ZNF462: variants seen among roughly 807,000 people sequenced by gnomAD.
ZNF462 encodes the protein zinc finger protein 462.
Under a neutral mutation model 201.9 loss-of-function variants are expected in ZNF462, and 10 were observed. That is an observed-to-expected ratio of 0.05 (90% CI 0.03 to 0.08). The LOEUF (loss-of-function observed/expected upper bound fraction) is 0.08, where lower values mean the gene tolerates loss of function less well. Among genes scored for constraint, ZNF462 ranks in the 10% least tolerant of loss-of-function variants. The probability of loss-of-function intolerance (pLI) is 1.00; values close to 1 mark genes in which losing one functional copy is unlikely to be tolerated. For synonymous variants in ZNF462, 1,227 were observed against 1,193.3 expected, an observed-to-expected ratio of 1.03 and a Z score of -0.58; for missense variants, 2,523 against 3,168.3, an observed-to-expected ratio of 0.80 and a Z score of 4.89.
Position 107,009,018 on chromosome 9 carries a change from A to G in ZNF462, c.7190-527A>G, listed in dbSNP as rs1019229078. ...CTGTAAGGTATTGATTATAATGTCT[A>G]TGATGGATGACCACAAGTCATGAGC... On this transcript the variant is annotated intron_variant, in intron 11 of 12. Transcript: ENST00000277225. The surrounding 1 kb of genome is among the most constrained non-coding windows in gnomAD (Gnocchi z 6.1). Among the ~76,000 whole-genome samples the G allele has an allele frequency of 6.6e-6, 1 of 152,186 alleles. No individual in the cohort carries two copies. The highest frequency in any genetic ancestry group is 6.5e-5 in the Admixed American group (1 of 15,274).
chr9:106,899,059 C>T (rs73668708), intron 1 of ZNF462, among the ~76,000 whole-genome samples: 17,424 of 151,904 alleles, frequency 0.11, 2,379 homozygotes, highest in African/African-American at 0.33. Context: ...GATGAGGAAA[C>T]AGAGGTTTGG....
intron 7 of ZNF462, among the ~76,000 whole-genome samples, chr9:106,953,855 C>A (rs1421265264): frequency 5.9e-5 from 9 of 152,140 alleles, no homozygotes; most frequent in Non-Finnish European, 1.0e-4. Context: ...TTTGCCAGAG[C>A]CCTTGGGACC....
chr9:106,972,882 T>G lies in ZNF462; in HGVS notation c.6695+610T>G, dbSNP rs1310962217. Among the ~76,000 whole-genome samples the G allele has an allele frequency of 6.6e-6, 1 of 152,180 alleles. No homozygotes were observed. Among genetic ancestry groups the G allele is most frequent in the African/African-American group, 2.4e-5 (1 of 41,458 alleles). On this transcript the variant is annotated intron_variant, in intron 8 of 12. Transcript: ENST00000277225. This position sits in a 1 kb window ranked among gnomAD's most constrained non-coding sequence, Gnocchi z 4.8. ...ATTATTAAGAATGGAATGCTTCCTA[T>G]GATGTAATCTAAGCTTCTGCATTTG...
At chr9:106,947,788 C>A (rs927608491) in intron 7 of ZNF462, among the ~76,000 whole-genome samples, 7 of 152,116 alleles carry the variant, frequency 4.6e-5, no homozygotes, top group African/African-American at 1.4e-4. Flanking sequence ...CTTTGTGCCT[C>A]AGTGGGGTCT....
At chr9:106,994,558 C>T (rs1376303786) in intron 10 of ZNF462, among the ~76,000 whole-genome samples, 1 of 151,980 alleles carries the variant, frequency 6.6e-6, no homozygotes, top group Non-Finnish European at 1.5e-5. Context: ...GCTTTATCAA[C>T]AGCAATGATT....
rs1271338679 is a variant in ZNF462, at chr9:106,880,111, AGT to A, written c.-31+16757_-31+16758del. Among the ~76,000 whole-genome samples the A allele has an allele frequency of 2.0e-5, 3 of 152,138 alleles. No homozygotes were observed. The East Asian group carries it at 5.8e-4, about 29-fold the overall frequency. On this transcript the variant is annotated intron_variant, in intron 1 of 12. Transcript: ENST00000277225. The surrounding 1 kb of genome is among the most constrained non-coding windows in gnomAD (Gnocchi z 4.1). ...GCTTTCCTAGGAATGGGACAAACAG[AGT>A]TGCTCGTAACCACCAAGAGCCCTCT...
In ZNF462 at chr9:106,932,940, T is replaced by C. The variant is rs1280184162; in HGVS notation, c.6116+391T>C. ...TGCTAAAGAGGTAAAATTAGGACTATTAACCCATGTGACCAAAGAAACATT... is the reference window on the plus strand; with the variant it reads ...TGCTAAAGAGGTAAAATTAGGACTACTAACCCATGTGACCAAAGAAACATT... On this transcript the variant is annotated intron_variant, in intron 5 of 12. Coordinates refer to ENST00000277225, the MANE Select transcript of ZNF462 (RefSeq NM_021224.6). The surrounding 1 kb of genome is among the most constrained non-coding windows in gnomAD (Gnocchi z 6.8). 3.5e-6 allele frequency: 1 copy of C among 284,980 alleles called. No homozygotes were observed. The highest frequency in any genetic ancestry group is 2.3e-5 in the African/African-American group (1 of 44,048). 17.7% of individuals were successfully genotyped at this position (284,980 alleles called of 1,614,324 possible). A position where few individuals can be genotyped will look rare whatever the true frequency, so the allele number is the denominator to read the frequency against.
chr9:106,957,708 T>C (rs1179916659), intron 7 of ZNF462, among the ~76,000 whole-genome samples: 2 of 152,090 alleles, frequency 1.3e-5, no homozygotes, highest in South Asian at 4.1e-4. Flanking sequence ...CTAAGAAATA[T>C]GTATTAAGCG....
In ZNF462 at chr9:106,920,849, T is replaced by A. The variant is rs1160513729; in HGVS notation, c.-30-2505T>A. ...TGCAGAACCGTAACTTCTGTTGATG[T>A]TGTGCAAATCAGGCTCAAACTTTCC... On this transcript the variant is annotated intron_variant, in intron 1 of 12. Coordinates refer to ENST00000277225, the MANE Select transcript of ZNF462 (RefSeq NM_021224.6). The surrounding 1 kb of genome is among the most constrained non-coding windows in gnomAD (Gnocchi z 4.3). 1.3e-5 allele frequency among the ~76,000 whole-genome samples: 2 copies of A among 152,198 alleles called. No individual in the cohort carries two copies. The highest frequency in any genetic ancestry group is 2.9e-5 in the Non-Finnish European group (2 of 68,024).
At chr9:106,862,881 T>G (rs895359648), upstream of ZNF462, among the ~76,000 whole-genome samples, 1 of 152,080 alleles carries the variant, frequency 6.6e-6, no homozygotes, top group African/African-American at 2.4e-5. This position sits in a 1 kb window ranked among gnomAD's most constrained non-coding sequence, Gnocchi z 4.2. Flanking sequence ...ACGTTGTTGT[T>G]GTTATTAGAA....
At chr9:106,976,083 T>C (rs1826981461) in intron 9 of ZNF462, 1 of 152,230 alleles carries the variant, frequency 6.6e-6, no homozygotes. Context: ...TTTTAAGATA[T>C]CTTAAAGACG....
At chr9:106,971,080 G>A (rs1564141353) in intron 7 of ZNF462, among the ~76,000 whole-genome samples, 1 of 152,112 alleles carries the variant, frequency 6.6e-6, no homozygotes, top group Non-Finnish European at 1.5e-5. Context: ...ATCCATTCCA[G>A]GAGAACGCTA....
chr9:106,970,953 C>A lies in ZNF462; in HGVS notation c.6428-1052C>A, dbSNP rs1024241399. ...GGTTAAGATTTGTGCCTGTCATTTC[C>A]GACATTTTCCTCAGAATCGCAAACT... is the stretch of plus-strand genomic sequence containing the variant. On this transcript the variant is annotated intron_variant, in intron 7 of 12. Coordinates refer to ENST00000277225, the MANE Select transcript of ZNF462 (RefSeq NM_021224.6). This position sits in a 1 kb window ranked among gnomAD's most constrained non-coding sequence, Gnocchi z 4.2. Among the ~76,000 whole-genome samples, 1 of 152,066 alleles carries A rather than the reference C, an allele frequency of 6.6e-6. No individual in the cohort carries two copies. Among genetic ancestry groups the A allele is most frequent in the Admixed American group, 6.5e-5 (1 of 15,278 alleles).
chr9:106,921,761 G>A (rs1830001553), intron 1 of ZNF462, among the ~76,000 whole-genome samples: 1 of 152,162 alleles, frequency 6.6e-6, no homozygotes, highest in Non-Finnish European at 1.5e-5. Context: ...AGGAGAAGTG[G>A]GGTGGGGCCT....
Position 106,929,381 on chromosome 9 carries a change from A to G in ZNF462, c.5469A>G (p.Glu1823=). ...DEHEKPTLME[E]EERGNFEKAE... ...ATGAGAAGCCCACACTGATGGAAGA[A>G]GAGGAGAGAGGCAACTTTGAGAAAG... Residue 1823 remains glutamate, a synonymous_variant, in exon 3 of 13, where the codon GAA becomes GAG. Coordinates refer to ENST00000277225, the MANE Select transcript of ZNF462 (RefSeq NM_021224.6). The surrounding 1 kb of genome is among the most constrained non-coding windows in gnomAD (Gnocchi z 8.7). The G allele has an allele frequency of 6.2e-7, 1 of 1,614,136 alleles. No homozygotes were observed. Among genetic ancestry groups the G allele is most frequent in the South Asian group, 1.1e-5 (1 of 91,070 alleles).
intron 1 of ZNF462, among the ~76,000 whole-genome samples, chr9:106,894,610 A>G (rs1420987987): frequency 6.6e-6 from 1 of 152,158 alleles, no homozygotes; most frequent in Non-Finnish European, 1.5e-5. Context: ...AAAACTCTTA[A>G]ATAAGTACTT....
rs1829116849 is a variant in ZNF462, at chr9:106,902,786, T to G, written c.-30-20568T>G. 6.6e-6 allele frequency among the ~76,000 whole-genome samples: 1 copy of G among 152,192 alleles called. No homozygotes were observed. Among genetic ancestry groups the G allele is most frequent in the Admixed American group, 6.5e-5 (1 of 15,272 alleles). ...GATGTAATATCACCTGTTTTGTTTC[T>G]TAGTGAGGTTATTTGGATTTTCTCT... On this transcript the variant is annotated intron_variant, in intron 1 of 12. Coordinates refer to ENST00000277225, the MANE Select transcript of ZNF462 (RefSeq NM_021224.6). The surrounding 1 kb of genome is among the most constrained non-coding windows in gnomAD (Gnocchi z 4.2).
At chr9:106,996,815 G>A (rs1450912898) in intron 10 of ZNF462, among the ~76,000 whole-genome samples, 2 of 152,048 alleles carry the variant, frequency 1.3e-5, no homozygotes, top group Non-Finnish European at 2.9e-5. Flanking sequence ...TCTCTCATGG[G>A]TTTTCATGTT....
At chr9:106,860,347 G>T (rs1192580251), upstream of ZNF462, among the ~76,000 whole-genome samples, 1 of 152,168 alleles carries the variant, frequency 6.6e-6, no homozygotes, top group Non-Finnish European at 1.5e-5. This position sits in a 1 kb window ranked among gnomAD's most constrained non-coding sequence, Gnocchi z 7.1. Context: ...GTTGGGGCGC[G>T]CTCACGTTCT....
Sources: allele counts gnomAD v4.1 joint callset (sites outside exome capture counted in the v4.1 genomes callset), GRCh38; gene constraint gnomAD v4.1.1; non-coding constraint Gnocchi (gnomAD v3.1); transcripts MANE v1.5; gene names NCBI Gene and HGNC (gene_info 2026-07-23, HGNC 2026-07-21).